PDS5A: variants seen among roughly 807,000 people sequenced by gnomAD.
PDS5A encodes sister chromatid cohesion protein PDS5 homolog A.
In PDS5A, 42 loss-of-function variants were observed where a neutral mutation model predicts 167.1. The observed-to-expected ratio is 0.25, with a 90% CI of 0.20 to 0.33. The LOEUF (loss-of-function observed/expected upper bound fraction) is 0.33. PDS5A is among the 10% of genes least tolerant of loss of function. PDS5A has a pLI of 1.00. For missense variants in PDS5A, 1,033 were observed against 1,605.9 expected, an observed-to-expected ratio of 0.64 and a Z score of 6.10; for synonymous variants, 553 against 554.6, an observed-to-expected ratio of 1.00 and a Z score of 0.04.
rs145496968 is a variant in PDS5A, at chr4:39,960,797, C to T, written c.138+15643G>A. On this transcript the variant is annotated intron_variant, in intron 2 of 32. Coordinates refer to ENST00000303538, the MANE Select transcript of PDS5A (RefSeq NM_001100399.2). ...CTCCACCTCCCGGGTTCAAGCTATT[C>T]TCCTGCCTCAGCCTTCTGAGTACCT... Among the ~76,000 whole-genome samples the T allele has an allele frequency of 4.1e-3, 630 of 152,138 alleles. 5 individuals carry two copies. Among genetic ancestry groups the T allele is most frequent in the African/African-American group, 0.014 (593 of 41,514 alleles).
chr4:39,845,893 A>G lies in PDS5A; in HGVS notation c.3340-13T>C. 2 of 1,335,326 alleles carry G rather than the reference A, an allele frequency of 1.5e-6. No homozygotes were observed. Among genetic ancestry groups the G allele is most frequent in the African/African-American group, 3.1e-5 (2 of 65,020 alleles). The allele number at this position is 1,335,326 out of a possible 1,614,324, so 82.7% of individuals were successfully genotyped here. ...CGTTACAGAAGTCCTATTAAAAAAA[A>G]AAAAGAAAAAGAAAAAAGAAACACC... On this transcript the variant is annotated splice_polypyrimidine_tract_variant and intron_variant, in intron 28 of 32. Coordinates refer to ENST00000303538, the MANE Select transcript of PDS5A (RefSeq NM_001100399.2).
At chr4:39,923,115 C>T (rs1725143851) in intron 5 of PDS5A, among the ~76,000 whole-genome samples, 1 of 151,788 alleles carries the variant, frequency 6.6e-6, no homozygotes, top group Non-Finnish European at 1.5e-5. Context: ...GATCACCTGA[C>T]ATCAGGAGTT....
At chr4:39,875,783 T>C (rs988118846) in intron 19 of PDS5A, among the ~76,000 whole-genome samples, 2 of 152,306 alleles carry the variant, frequency 1.3e-5, no homozygotes, top group East Asian at 1.9e-4. Context: ...CTTTCACCAT[T>C]CCATTTACCA....
At chr4:39,838,850 T>C (rs1168098867) in intron 31 of PDS5A, among the ~76,000 whole-genome samples, 1 of 151,838 alleles carries the variant, frequency 6.6e-6, no homozygotes, top group Non-Finnish European at 1.5e-5. Flanking sequence ...AGAAACCCTG[T>C]CTCTACTAAA....
intron 26 of PDS5A, among the ~76,000 whole-genome samples, chr4:39,856,343 A>G (rs1718523740): frequency 6.6e-6 from 1 of 152,226 alleles, no homozygotes; most frequent in South Asian, 2.1e-4. Context: ...TCATCAGTAG[A>G]CCTGTCTTAT....
At chr4:39,887,776 C>T (rs1345795967) in intron 17 of PDS5A, among the ~76,000 whole-genome samples, 3 of 151,938 alleles carry the variant, frequency 2.0e-5, no homozygotes, top group Admixed American at 6.6e-5. Flanking sequence ...ATAAAAAAAG[C>T]GAAGAGACAA....
At chr4:39,848,309 C>G (rs1199186759) in intron 28 of PDS5A, 1 of 153,248 alleles carries the variant, frequency 6.5e-6, no homozygotes, top group Admixed American at 6.5e-5. Context: ...ACTTACAGAG[C>G]CTGCGTTACC....
chr4:39,895,023 C>A (rs1031549555), intron 16 of PDS5A, among the ~76,000 whole-genome samples: 6 of 151,740 alleles, frequency 4.0e-5, no homozygotes, highest in Middle Eastern at 3.2e-3. Context: ...GTCAGGAGAT[C>A]GAGATCATCC....
chr4:39,858,548 G>C (rs1012405720), intron 26 of PDS5A, among the ~76,000 whole-genome samples: 2 of 152,152 alleles, frequency 1.3e-5, no homozygotes, highest in African/African-American at 4.8e-5. Flanking sequence ...TATACCACAT[G>C]CAACAATTAA....
chr4:39,906,917 TAAAAAA>T (rs1191690836), intron 11 of PDS5A, among the ~76,000 whole-genome samples: 12 of 54,034 alleles, frequency 2.2e-4, no homozygotes, highest in African/African-American at 6.8e-4. Context: ...ATTTCTTACA[TAAAAAA>T]AAAAAAAAAA....
intron 5 of PDS5A, among the ~76,000 whole-genome samples, chr4:39,924,335 T>C (rs1460865513): frequency 6.6e-6 from 1 of 152,228 alleles, no homozygotes; most frequent in Non-Finnish European, 1.5e-5. Flanking sequence ...TTAGGTTACT[T>C]TGTAATGCAG....
rs1299239852 is a variant in PDS5A, at chr4:39,879,845, AG to A, written c.1887-13del. On this transcript the variant is annotated splice_polypyrimidine_tract_variant and intron_variant, in intron 17 of 32. Coordinates refer to ENST00000303538, the MANE Select transcript of PDS5A (RefSeq NM_001100399.2). The stretch of plus-strand genomic sequence containing the variant: ...ATTTCACTAGTGCACTATAAAAAGA[AG>A]AAAATATAAATCAGTAACCACTGTA... 4 of 1,484,610 alleles carry A rather than the reference AG, an allele frequency of 2.7e-6. No individual in the cohort carries two copies. The Admixed American group carries it at 6.7e-5, about 25-fold the overall frequency. 92.0% of individuals were successfully genotyped at this position (1,484,610 alleles called of 1,614,324 possible).
rs146206824 is a variant in PDS5A, at chr4:39,934,474, C to T, written c.139-6310G>A. Among the ~76,000 whole-genome samples the T allele has an allele frequency of 8.7e-3, 1,325 of 152,282 alleles. 15 individuals are homozygous for T. The highest frequency in any genetic ancestry group is 0.012 in the Non-Finnish European group (796 of 68,030). On this transcript the variant is annotated intron_variant, in intron 2 of 32. Transcript: ENST00000303538. ...CTATTGGCTCTTTGTAGACTAATCT[C>T]TTCTTACCTCATCTAATTTATCATA...
At chr4:39,879,562 A>T (rs1456001936) in intron 18 of PDS5A, among the ~76,000 whole-genome samples, 166 bp downstream of exon 18, 1 of 152,220 alleles carries the variant, frequency 6.6e-6, no homozygotes, top group Non-Finnish European at 1.5e-5. Flanking sequence ...TTACATTATT[A>T]TATTATGTTG....
At chr4:39,843,576 G>A (rs1456743032) in intron 30 of PDS5A, among the ~76,000 whole-genome samples, 1 of 152,020 alleles carries the variant, frequency 6.6e-6, no homozygotes, top group Non-Finnish European at 1.5e-5. Flanking sequence ...GCTGGGAGTG[G>A]TGGCGTGTGC....
chr4:39,861,312 G>T (rs1214268736), intron 26 of PDS5A, among the ~76,000 whole-genome samples: 1 of 151,956 alleles, frequency 6.6e-6, no homozygotes, highest in Non-Finnish European at 1.5e-5. Flanking sequence ...AAAAGATTTA[G>T]CCAGGAGTGG....
At chr4:39,935,995 T>C (rs766453141) in intron 2 of PDS5A, among the ~76,000 whole-genome samples, 3 of 152,298 alleles carry the variant, frequency 2.0e-5, no homozygotes, top group East Asian at 3.9e-4. Flanking sequence ...GATAAATCCA[T>C]TGTGGTATAC....
intron 16 of PDS5A, among the ~76,000 whole-genome samples, chr4:39,890,755 T>C (rs1684179921): frequency 6.6e-6 from 1 of 152,066 alleles, no homozygotes; most frequent in Admixed American, 6.5e-5. Context: ...TAGCTGGGAT[T>C]ACAGGCACGT....
chr4:39,925,468 C>T (rs1725373529), intron 5 of PDS5A, among the ~76,000 whole-genome samples: 1 of 152,114 alleles, frequency 6.6e-6, no homozygotes, highest in African/African-American at 2.4e-5. Flanking sequence ...TAATTTAATA[C>T]TTCATTGTAT....
Sources: allele counts gnomAD v4.1 joint callset (sites outside exome capture counted in the v4.1 genomes callset), GRCh38; gene constraint gnomAD v4.1.1; transcripts MANE v1.5; gene names NCBI Gene and HGNC (gene_info 2026-07-23, HGNC 2026-07-21).